SH3GL2: variants seen among roughly 807,000 people sequenced by gnomAD.
The protein encoded by SH3GL2 is SH3 domain containing GRB2 like 2, endophilin A1, also known as endophilin-A1.
SH3GL2 carries 24 observed loss-of-function variants against 46.0 expected under a neutral mutation model. That is an observed-to-expected ratio of 0.52 (90% CI 0.38 to 0.73). The LOEUF (loss-of-function observed/expected upper bound fraction) is 0.73, where lower values mean the gene tolerates loss of function less well. Among genes scored for constraint, SH3GL2 ranks in the 30% least tolerant of loss-of-function variants. The pLI is 0.00. For missense variants in SH3GL2, 413 were observed against 424.2 expected (o/e 0.97, Z 0.23); for synonymous variants, 196 against 147.1 (o/e 1.33, Z -2.40).
At position 17,672,895 on chromosome 9, in the gene SH3GL2, A is replaced by C. The variant is rs376903455; in HGVS notation, c.46-74171A>C. On this transcript the variant is annotated intron_variant, in intron 1 of 8. Transcript: ENST00000380607. ...CTGTTTCAGAATTAGATTTTCGTACATTCATAGGCCCAACTCAAAATGTCT... is the reference window on the plus strand; with the variant it reads ...CTGTTTCAGAATTAGATTTTCGTACCTTCATAGGCCCAACTCAAAATGTCT... 4.7e-4 allele frequency among the ~76,000 whole-genome samples: 71 copies of C among 152,260 alleles called. No homozygotes were observed. In the East Asian group the frequency reaches 0.011, roughly 23 times the overall value.
At chr9:17,741,910 G>GA (rs1249560054) in intron 1 of SH3GL2, among the ~76,000 whole-genome samples, 1 of 152,168 alleles carries the variant, frequency 6.6e-6, no homozygotes, top group African/African-American at 2.4e-5. Context: ...AGATGATGGA[G>GA]AAGGTGTCAT....
At chr9:17,613,259 A>G (rs1818910426) in intron 1 of SH3GL2, among the ~76,000 whole-genome samples, 1 of 152,202 alleles carries the variant, frequency 6.6e-6, no homozygotes, top group African/African-American at 2.4e-5. Context: ...AAGAAGCAAA[A>G]CATTAGTATT....
intron 1 of SH3GL2, among the ~76,000 whole-genome samples, chr9:17,731,455 GAC>G (rs922831011): frequency 1.7e-4 from 26 of 150,466 alleles, no homozygotes; most frequent in Non-Finnish European, 2.5e-4. Flanking sequence ...GAGAGAGACA[GAC>G]AGAGAGAGAG....
chr9:17,614,178 A>T (rs1019125912), intron 1 of SH3GL2, among the ~76,000 whole-genome samples: 6 of 151,538 alleles, frequency 4.0e-5, no homozygotes, highest in African/African-American at 1.5e-4. Flanking sequence ...TAGGTGCTGT[A>T]AATTGCTGAT....
intron 1 of SH3GL2, among the ~76,000 whole-genome samples, chr9:17,637,348 C>G (rs1011327013): frequency 1.3e-5 from 2 of 152,188 alleles, no homozygotes; most frequent in African/African-American, 4.8e-5. Flanking sequence ...AATTCCCAGT[C>G]TTACATAAGA....
At chr9:17,742,902 G>A (rs974304564) in intron 1 of SH3GL2, among the ~76,000 whole-genome samples, 1 of 151,464 alleles carries the variant, frequency 6.6e-6, no homozygotes, top group Non-Finnish European at 1.5e-5. Flanking sequence ...TGTTCTGTTT[G>A]ATTCGCATAT....
chr9:17,779,469 T>G (rs944830474), intron 3 of SH3GL2, among the ~76,000 whole-genome samples: 1 of 152,088 alleles, frequency 6.6e-6, no homozygotes, highest in Non-Finnish European at 1.5e-5. Context: ...CTTTCCAGGC[T>G]CTCTGAGGTT....
intron 1 of SH3GL2, among the ~76,000 whole-genome samples, chr9:17,618,987 A>C (rs1053985956): frequency 6.6e-6 from 1 of 152,204 alleles, no homozygotes; most frequent in Non-Finnish European, 1.5e-5. Flanking sequence ...AAATGACATA[A>C]GATCATTTTG....
intron 8 of SH3GL2, among the ~76,000 whole-genome samples, chr9:17,794,317 A>AT (rs1176208311): frequency 6.6e-6 from 1 of 152,098 alleles, no homozygotes; most frequent in Admixed American, 6.5e-5. Context: ...TTTTTCCTGT[A>AT]TCCCCAGTGC....
chr9:17,613,381 C>T (rs1395473613), intron 1 of SH3GL2, among the ~76,000 whole-genome samples: 1 of 152,120 alleles, frequency 6.6e-6, no homozygotes, highest in African/African-American at 2.4e-5. Context: ...AAATATGGAG[C>T]TGATGTTGCT....
At chr9:17,750,848 C>T (rs1822820602) in intron 2 of SH3GL2, among the ~76,000 whole-genome samples, 1 of 152,156 alleles carries the variant, frequency 6.6e-6, no homozygotes, top group Non-Finnish European at 1.5e-5. Flanking sequence ...AGTATCCCTG[C>T]CTTCAAGGGG....
At chr9:17,650,608 C>T (rs1363484142) in intron 1 of SH3GL2, among the ~76,000 whole-genome samples, 2 of 152,196 alleles carry the variant, frequency 1.3e-5, no homozygotes, top group South Asian at 4.1e-4. Flanking sequence ...CCGCCCGCTT[C>T]AGCCTCCCAA....
chr9:17,614,604 G>A (rs1818944537), intron 1 of SH3GL2, among the ~76,000 whole-genome samples: 1 of 152,168 alleles, frequency 6.6e-6, no homozygotes, highest in Non-Finnish European at 1.5e-5. Flanking sequence ...AGAGTGTTAT[G>A]TAAATGCTAT....
At chr9:17,773,455 G>C (rs1019846965) in intron 3 of SH3GL2, among the ~76,000 whole-genome samples, 3 of 152,076 alleles carry the variant, frequency 2.0e-5, no homozygotes, top group Admixed American at 2.0e-4. Context: ...CTTACAGCTA[G>C]CTCTTTAATG....
At chr9:17,675,617 G>C (rs528957144) in intron 1 of SH3GL2, among the ~76,000 whole-genome samples, 1 of 152,332 alleles carries the variant, frequency 6.6e-6, no homozygotes, top group East Asian at 1.9e-4. Flanking sequence ...GCTGTATCCA[G>C]CACTGTTATT....
intron 4 of SH3GL2, 97 bp downstream of exon 4, chr9:17,786,621 T>C: frequency 7.3e-7 from 1 of 1,370,658 alleles, no homozygotes; most frequent in Non-Finnish European, 1.0e-6. Context: ...AATCATTTTA[T>C]ATTTTGGTTT....
In SH3GL2 at chr9:17,787,476, T is replaced by A. The variant is rs1823994483; in HGVS notation, c.428T>A (p.Leu143His). The A allele has an allele frequency of 6.2e-7, 1 of 1,612,790 alleles. No individual in the cohort carries two copies. The highest frequency in any genetic ancestry group is 1.3e-5 in the African/African-American group (1 of 74,902). ...IEVKQNFIDP[L>H]QNLHDKDLRE... ...GTGAAGCAGAACTTCATTGACCCTC[T>A]TCAGAATCTTCATGACAAAGATCTT... The change falls in exon 5 of 9, where the codon CTT becomes CAT. Residue 143 changes from leucine to histidine, a missense_variant. Physicochemically the swap from Leu to His is moderately conservative, Grantham distance 99. Transcript: ENST00000380607.
intron 1 of SH3GL2, among the ~76,000 whole-genome samples, chr9:17,725,654 A>G (rs1191020117): frequency 1.3e-5 from 2 of 152,054 alleles, no homozygotes; most frequent in Admixed American, 6.6e-5. Context: ...TTCGTGTGGA[A>G]TGTCTACCCT....
chr9:17,786,178 C>A (rs1263196385), intron 3 of SH3GL2, among the ~76,000 whole-genome samples: 4 of 152,056 alleles, frequency 2.6e-5, no homozygotes, highest in Non-Finnish European at 5.9e-5. Context: ...ATTTTAAGAT[C>A]TTAAGGGAAA....
Sources: gnomAD v4.1 joint callset for allele counts (sites outside exome capture counted in the v4.1 genomes callset) on GRCh38, gnomAD v4.1.1 for gene constraint, MANE v1.5 for transcripts, NCBI Gene and HGNC (gene_info 2026-07-23, HGNC 2026-07-21) for gene names.